The following STMN2 variants were observed in gnomAD, a reference collection of about 807,000 sequenced individuals.
STMN2 encodes the protein stathmin 2, also known as stathmin-2.
STMN2 carries 2 observed loss-of-function variants against 24.1 expected under a neutral mutation model. The observed-to-expected ratio is 0.08, with a 90% CI of 0.03 to 0.26. The LOEUF (loss-of-function observed/expected upper bound fraction) is 0.26, where lower values mean the gene tolerates loss of function less well. STMN2 is among the 10% of genes least tolerant of loss of function. The pLI is 1.00. For synonymous variants in STMN2, 83 were observed against 77.5 expected (o/e 1.07, Z -0.37); for missense variants, 114 against 213.6 (o/e 0.53, Z 2.91).
chr8:79,648,038 G>A lies in STMN2; in HGVS notation c.288+6488G>A, dbSNP rs1810253419. On this transcript the variant is annotated intron_variant, in intron 3 of 4. Transcript: ENST00000220876. The stretch of plus-strand genomic sequence containing the variant: ...TAATTATTTCTCTTTACTCTCATAA[G>A]TGTTCCACTTTGGACAATCAATTAC... Among the ~76,000 whole-genome samples, 3 of 152,208 alleles carry A rather than the reference G, an allele frequency of 2.0e-5. No homozygotes were observed. The South Asian group carries it at 6.2e-4, about 31-fold the overall frequency.
At chr8:79,612,161 G>A (rs922674673) in intron 1 of STMN2, among the ~76,000 whole-genome samples, 1 of 150,562 alleles carries the variant, frequency 6.6e-6, no homozygotes, top group Non-Finnish European at 1.5e-5. Context: ...CGGGGACAGC[G>A]GCGCCACGCC....
At chr8:79,661,068 A>T (rs1444328014) in intron 4 of STMN2, among the ~76,000 whole-genome samples, 1 of 152,172 alleles carries the variant, frequency 6.6e-6, no homozygotes, top group Non-Finnish European at 1.5e-5. Context: ...ACTTAACATT[A>T]GTTCCATATC....
At position 79,611,117 on chromosome 8, in the gene STMN2, A is replaced by G. The variant is rs1324297812; in HGVS notation, c.-79A>G. The G allele has an allele frequency of 3.1e-6, 5 of 1,590,338 alleles. No homozygotes were observed. The highest frequency in any genetic ancestry group is 4.5e-5 in the East Asian group (2 of 44,790). ...ACTCTGCAGACTCAGTGCCTTATTCAGTCTTCTCTCTCGCTCTCTCCGCTG... is the reference window on the plus strand; with the variant it reads ...ACTCTGCAGACTCAGTGCCTTATTCGGTCTTCTCTCTCGCTCTCTCCGCTG... On this transcript the variant is annotated 5_prime_UTR_variant, in exon 1 of 5. Transcript: ENST00000220876.
At chr8:79,627,361 T>C (rs927206677) in intron 1 of STMN2, among the ~76,000 whole-genome samples, 1 of 152,186 alleles carries the variant, frequency 6.6e-6, no homozygotes, top group African/African-American at 2.4e-5. Context: ...ATTGGGTATG[T>C]TTATGACCAA....
chr8:79,617,122 T>C (rs1247997276), intron 1 of STMN2, among the ~76,000 whole-genome samples: 1 of 145,826 alleles, frequency 6.9e-6, no homozygotes, highest in African/African-American at 2.7e-5. Context: ...GAGAAAATTC[T>C]TAAGAATTTA....
chr8:79,648,912 G>C (rs1810276648), intron 3 of STMN2, among the ~76,000 whole-genome samples: 1 of 152,110 alleles, frequency 6.6e-6, no homozygotes, highest in Non-Finnish European at 1.5e-5. Flanking sequence ...TAATGACATT[G>C]ATAAAATCTC....
intron 1 of STMN2, among the ~76,000 whole-genome samples, chr8:79,628,858 A>T (rs978036590): frequency 1.3e-5 from 2 of 152,192 alleles, no homozygotes; most frequent in African/African-American, 4.8e-5. Flanking sequence ...ACTGGATGAT[A>T]CAAAACTGGA....
chr8:79,663,672 T>C, intron 4 of STMN2: 1 of 1,508,500 alleles, frequency 6.6e-7, no homozygotes, highest in Non-Finnish European at 8.8e-7. Context: ...GTAAGCAACA[T>C]TCTACAGAAA....
At chr8:79,628,036 T>C (rs1000182352) in intron 1 of STMN2, among the ~76,000 whole-genome samples, 2 of 152,232 alleles carry the variant, frequency 1.3e-5, no homozygotes, top group African/African-American at 4.8e-5. Context: ...ATATCTTGGG[T>C]CTTGTGAATA....
intron 1 of STMN2, among the ~76,000 whole-genome samples, chr8:79,634,790 T>C (rs1302147156): frequency 6.6e-6 from 1 of 152,160 alleles, no homozygotes; most frequent in East Asian, 1.9e-4. Context: ...TGAATATGTT[T>C]CTTTCTGGCC....
intron 1 of STMN2, among the ~76,000 whole-genome samples, chr8:79,620,454 C>A (rs1809486921): frequency 6.6e-6 from 1 of 151,994 alleles, no homozygotes; most frequent in African/African-American, 2.4e-5. Context: ...GGAGCACCAA[C>A]TTTGTTCTGA....
chr8:79,623,532 A>G lies in STMN2; in HGVS notation c.19+12318A>G, dbSNP rs577680153. ...TAGCTGCAGACATATTAAGAGAAAT[A>G]TGTGCTTATATTTACAAGTATAGTA... On this transcript the variant is annotated intron_variant, in intron 1 of 4. Coordinates refer to ENST00000220876, the MANE Select transcript of STMN2 (RefSeq NM_007029.4). Among the ~76,000 whole-genome samples the G allele has an allele frequency of 3.3e-4, 51 of 152,332 alleles. 1 individual carries two copies. The highest frequency in any genetic ancestry group is 1.2e-3 in the African/African-American group (51 of 41,578).
At chr8:79,620,288 C>T (rs918824297) in intron 1 of STMN2, among the ~76,000 whole-genome samples, 1 of 150,626 alleles carries the variant, frequency 6.6e-6, no homozygotes, top group Admixed American at 6.6e-5. Flanking sequence ...GTGCCTATTT[C>T]ATACATATAT....
chr8:79,622,705 C>A (rs1809545653), intron 1 of STMN2, among the ~76,000 whole-genome samples: 1 of 152,038 alleles, frequency 6.6e-6, no homozygotes. Context: ...TACATATATA[C>A]CTTCAATAAA....
intron 4 of STMN2, among the ~76,000 whole-genome samples, chr8:79,656,591 T>C (rs1806375163): frequency 6.6e-6 from 1 of 152,130 alleles, no homozygotes; most frequent in South Asian, 2.1e-4. Context: ...CTGCCACCAC[T>C]TTGCACTTCT....
At chr8:79,632,353 T>TC (rs1176636686) in intron 1 of STMN2, among the ~76,000 whole-genome samples, 2 of 152,124 alleles carry the variant, frequency 1.3e-5, no homozygotes, top group East Asian at 3.9e-4. Context: ...TTATCCTTTA[T>TC]CCCCAGGCAC....
chr8:79,627,530 C>A (rs1403417014), intron 1 of STMN2, among the ~76,000 whole-genome samples: 1 of 152,180 alleles, frequency 6.6e-6, no homozygotes, highest in Non-Finnish European at 1.5e-5. Flanking sequence ...GTTTATGCAT[C>A]ACTTATTCTA....
At chr8:79,642,753 AT>A (rs1585897868) in intron 3 of STMN2, among the ~76,000 whole-genome samples, 1 of 151,902 alleles carries the variant, frequency 6.6e-6, no homozygotes, top group East Asian at 1.9e-4. Flanking sequence ...CTTAGATTAA[AT>A]TTTCTAAACA....
intron 4 of STMN2, 83 bp downstream of exon 4, chr8:79,655,145 A>G: frequency 1.3e-6 from 2 of 1,510,516 alleles, no homozygotes; most frequent in Non-Finnish European, 1.8e-6. Flanking sequence ...GAGCACAGAG[A>G]CGAAGTCAAA....
Sources: gnomAD v4.1 joint callset for allele counts (sites outside exome capture counted in the v4.1 genomes callset) on GRCh38, gnomAD v4.1.1 for gene constraint, MANE v1.5 for transcripts, NCBI Gene and HGNC (gene_info 2026-07-23, HGNC 2026-07-21) for gene names.